ADCY9: variants seen among roughly 807,000 people sequenced by gnomAD.
The protein encoded by ADCY9 is adenylate cyclase 9, also known as adenylate cyclase type 9.
Under a neutral mutation model 101.5 loss-of-function variants are expected in ADCY9, and 50 were observed. The observed-to-expected ratio is 0.49, with a 90% CI of 0.39 to 0.62. The LOEUF is 0.62. ADCY9 is among the 20% of genes least tolerant of loss of function. The pLI is 0.00. For synonymous variants in ADCY9, 905 were observed against 769.3 expected (o/e 1.18, Z -2.92); for missense variants, 1,662 against 1,800.4 (o/e 0.92, Z 1.39).
intron 2 of ADCY9, among the ~76,000 whole-genome samples, chr16:4,102,463 T>C (rs2057049490): frequency 1.3e-5 from 2 of 152,210 alleles, no homozygotes; most frequent in African/African-American, 4.8e-5. Flanking sequence ...TTCGCTCTTG[T>C]TGCCCAGGCT....
chr16:3,980,030 G>A (rs1317445940), intron 7 of ADCY9, among the ~76,000 whole-genome samples: 3 of 152,194 alleles, frequency 2.0e-5, no homozygotes, highest in Admixed American at 6.5e-5. Context: ...AACCTGGCTC[G>A]TGGCGCTTAG....
intron 2 of ADCY9, among the ~76,000 whole-genome samples, chr16:4,110,159 C>T (rs1180932412): frequency 6.6e-6 from 1 of 152,184 alleles, no homozygotes; most frequent in African/African-American, 2.4e-5. Context: ...GAACTATTAA[C>T]GCAGGTCAGA....
intron 2 of ADCY9, among the ~76,000 whole-genome samples, chr16:4,045,987 G>A (rs112636901): frequency 0.055 from 8,052 of 146,932 alleles, 770 homozygotes; most frequent in African/African-American, 0.19. Context: ...TGGGACTACA[G>A]TTGCATACCA....
intron 2 of ADCY9, among the ~76,000 whole-genome samples, chr16:4,082,362 A>C (rs1326915774): frequency 6.6e-6 from 1 of 152,140 alleles, no homozygotes; most frequent in Non-Finnish European, 1.5e-5. Context: ...GGGCAACAGA[A>C]CAGGACCCTG....
At chr16:4,085,040 T>C (rs1275660228) in intron 2 of ADCY9, among the ~76,000 whole-genome samples, 2 of 152,068 alleles carry the variant, frequency 1.3e-5, no homozygotes, top group African/African-American at 2.4e-5. Context: ...GTGGTGGCAC[T>C]GGCTGGCAAC....
At chr16:4,016,394 C>T (rs1462916148) in intron 2 of ADCY9, among the ~76,000 whole-genome samples, 1 of 152,118 alleles carries the variant, frequency 6.6e-6, no homozygotes, top group African/African-American at 2.4e-5. Context: ...TGTGAAATGA[C>T]AGCACCAAAT....
intron 6 of ADCY9, among the ~76,000 whole-genome samples, chr16:3,986,168 T>C (rs2056191566): frequency 1.3e-5 from 2 of 152,270 alleles, no homozygotes; most frequent in African/African-American, 4.8e-5. Context: ...CACGCGTCCA[T>C]GCCTCAGTCT....
At chr16:4,102,268 G>A (rs778276963) in intron 2 of ADCY9, among the ~76,000 whole-genome samples, 3 of 151,902 alleles carry the variant, frequency 2.0e-5, no homozygotes, top group Non-Finnish European at 2.9e-5. Context: ...AAATTGCAGC[G>A]CCCCTAGGTA....
rs575968965 is a variant in ADCY9, at chr16:4,107,078, G to A, written c.1693+6672C>T. Among the ~76,000 whole-genome samples the A allele has an allele frequency of 6.6e-5, 10 of 152,294 alleles. 1 individual carries two copies. In the South Asian group the frequency reaches 2.1e-3, roughly 32 times the overall value. ...AATTAACAGCTGTGTCCTTGTCACT[G>A]TAAGCCAGGTCTCAAAGAGCCTGAA... is the stretch of plus-strand genomic sequence containing the variant. On this transcript the variant is annotated intron_variant, in intron 2 of 10. Coordinates refer to ENST00000294016, the MANE Select transcript of ADCY9 (RefSeq NM_001116.4).
At chr16:4,101,620 T>C (rs1421829396) in intron 2 of ADCY9, among the ~76,000 whole-genome samples, 2 of 152,180 alleles carry the variant, frequency 1.3e-5, no homozygotes, top group Admixed American at 6.5e-5. Context: ...TTTCTAGGCG[T>C]CATGCCCCAA....
At chr16:4,108,497 C>A (rs1412847950) in intron 2 of ADCY9, among the ~76,000 whole-genome samples, 1 of 149,588 alleles carries the variant, frequency 6.7e-6, no homozygotes, top group Non-Finnish European at 1.5e-5. Flanking sequence ...CCTCAGCTTC[C>A]CAAGTGGCTG....
At chr16:4,084,608 T>C (rs2056925937) in intron 2 of ADCY9, among the ~76,000 whole-genome samples, 1 of 151,970 alleles carries the variant, frequency 6.6e-6, no homozygotes, top group Admixed American at 6.6e-5. Flanking sequence ...CACCTCTAGC[T>C]CCAGCTACTC....
At position 4,114,081 on chromosome 16, in the gene ADCY9, G is replaced by C. The variant is rs2057131086; in HGVS notation, c.1362C>G (p.Pro454=). 1 of 1,613,734 alleles carries C rather than the reference G, an allele frequency of 6.2e-7. No individual in the cohort carries two copies. Among genetic ancestry groups the C allele is most frequent in the African/African-American group, 1.3e-5 (1 of 74,924 alleles). ...TGCAGCAGTAGGCATGGTCGGCCCG[G>C]GGCTCGGGACAGCCCGCCACGCAGT... is the stretch of plus-strand genomic sequence containing the variant. ...CYYCVAGCPE[P]RADHAYCCIE... is the part of the protein sequence containing the mutation. Residue 454 remains proline (P), a synonymous_variant, in exon 2 of 11, where the codon CCC becomes CCG. Coordinates refer to ENST00000294016, the MANE Select transcript of ADCY9 (RefSeq NM_001116.4). This position sits in a 1 kb window ranked among gnomAD's most constrained non-coding sequence, Gnocchi z 4.3.
In ADCY9 at chr16:3,966,197, G is replaced by A. The variant is rs1278739094; in HGVS notation, c.3640C>T (p.Arg1214Cys). 5.6e-6 allele frequency: 9 copies of A among 1,614,194 alleles called. No homozygotes were observed. Among genetic ancestry groups the A allele is most frequent in the South Asian group, 4.4e-5 (4 of 91,078 alleles). Residue 1214 changes from arginine to cysteine, a missense_variant, in exon 11 of 11, where the codon CGC becomes TGC. Physicochemically the swap from Arg to Cys is radical, Grantham distance 180 (BLOSUM62 -3). Coordinates refer to ENST00000294016, the MANE Select transcript of ADCY9 (RefSeq NM_001116.4). ...CRIQVSEESY[R>C]VLSKMGYDFD... ...TCATAGCCCATCTTGCTCAAGACGC[G>A]GTAGCTCTCTTCGCTCACCTGGATG...
At chr16:3,991,897 T>G (rs1380083514) in intron 5 of ADCY9, among the ~76,000 whole-genome samples, 1 of 146,678 alleles carries the variant, frequency 6.8e-6, no homozygotes, top group Non-Finnish European at 1.5e-5. Flanking sequence ...ATGATGAAAC[T>G]CCATCTCTAC....
intron 2 of ADCY9, among the ~76,000 whole-genome samples, chr16:4,090,835 CT>C (rs1218612025): frequency 6.6e-6 from 1 of 151,618 alleles, no homozygotes; most frequent in Non-Finnish European, 1.5e-5. Context: ...ACAGCCAAAA[CT>C]TATGCATTCA....
chr16:4,054,922 A>G (rs1325638800), intron 2 of ADCY9, among the ~76,000 whole-genome samples: 1 of 152,170 alleles, frequency 6.6e-6, no homozygotes, highest in Non-Finnish European at 1.5e-5. Flanking sequence ...CATGCTGTAC[A>G]ACACCACTCG....
intron 2 of ADCY9, among the ~76,000 whole-genome samples, chr16:4,102,413 G>A (rs2057049104): frequency 6.6e-6 from 1 of 152,046 alleles, no homozygotes; most frequent in Admixed American, 6.6e-5. Context: ...CAAAGTTGAT[G>A]GTTGTTTCTT....
chr16:4,089,194 C>G (rs1201894299), intron 2 of ADCY9, among the ~76,000 whole-genome samples: 1 of 152,008 alleles, frequency 6.6e-6, no homozygotes, highest in Admixed American at 6.6e-5. Flanking sequence ...CCCGCCTCAG[C>G]CTCCCGAGGG....
Sources: gnomAD v4.1 joint callset for allele counts (sites outside exome capture counted in the v4.1 genomes callset) on GRCh38, gnomAD v4.1.1 for gene constraint, Gnocchi (gnomAD v3.1) non-coding constraint, MANE v1.5 for transcripts, NCBI Gene and HGNC (gene_info 2026-07-23, HGNC 2026-07-21) for gene names.